CARMIL1: variants seen among roughly 807,000 people sequenced by gnomAD.
CARMIL1 encodes the protein capping protein regulator and myosin 1 linker 1, also known as F-actin-uncapping protein LRRC16A.
A neutral mutation model predicts 177.1 loss-of-function variants in CARMIL1; 90 were observed. The ratio of observed to expected loss-of-function variants is 0.51; its 90% CI spans 0.43 to 0.61. The LOEUF is 0.61. Among genes scored for constraint, CARMIL1 ranks in the 20% least tolerant of loss-of-function variants. The pLI is 0.00. For synonymous variants in CARMIL1, 577 were observed against 606.2 expected (o/e 0.95, Z 0.71); for missense variants, 1,380 against 1,667.0 (o/e 0.83, Z 3.00).
At chr6:25,615,920 A>T (rs1209038254) in intron 36 of CARMIL1, among the ~76,000 whole-genome samples, 1 of 152,186 alleles carries the variant, frequency 6.6e-6, no homozygotes, top group East Asian at 1.9e-4. Flanking sequence ...ATTATCACAT[A>T]TATGCAATGT....
At chr6:25,460,384 T>C (rs974240709) in intron 8 of CARMIL1, among the ~76,000 whole-genome samples, 1 of 152,218 alleles carries the variant, frequency 6.6e-6, no homozygotes, top group Admixed American at 6.5e-5. Flanking sequence ...ACTGGTTCCA[T>C]AATTTTTTTA....
chr6:25,541,863 A>G (rs2151137842), intron 26 of CARMIL1, among the ~76,000 whole-genome samples: 1 of 152,308 alleles, frequency 6.6e-6, no homozygotes, highest in Non-Finnish European at 1.5e-5. Context: ...CATATTGGCC[A>G]GGCTGGTCTC....
At chr6:25,609,219 C>G (rs1370210410) in intron 35 of CARMIL1, among the ~76,000 whole-genome samples, 4 of 152,072 alleles carry the variant, frequency 2.6e-5, no homozygotes. Flanking sequence ...GTAATCCCAA[C>G]ACTTTGGGAG....
intron 17 of CARMIL1, among the ~76,000 whole-genome samples, chr6:25,508,230 G>A (rs1365003722): frequency 6.6e-6 from 1 of 152,162 alleles, no homozygotes; most frequent in African/African-American, 2.4e-5. Flanking sequence ...AGCAGGTGTA[G>A]TGAAATGGGC....
intron 29 of CARMIL1, among the ~76,000 whole-genome samples, chr6:25,576,161 C>A (rs1490253040): frequency 6.6e-6 from 1 of 151,608 alleles, no homozygotes; most frequent in Admixed American, 6.6e-5. Context: ...TTCATTCAGA[C>A]TAAGAAGAGG....
chr6:25,562,590 G>A (rs562261588), intron 29 of CARMIL1, among the ~76,000 whole-genome samples: 2 of 152,254 alleles, frequency 1.3e-5, no homozygotes, highest in South Asian at 4.1e-4. Flanking sequence ...AAGGTACAGT[G>A]TTGACTGCCC....
At chr6:25,392,032 GTATGCATGTGTGTGTA>G (rs1423999221) in intron 2 of CARMIL1, among the ~76,000 whole-genome samples, 1 of 142,054 alleles carries the variant, frequency 7.0e-6, no homozygotes, top group African/African-American at 2.6e-5. Flanking sequence ...TTTTTTGTGT[GTATGCATGTGTGTGTA>G]TATGCATGTG....
chr6:25,522,897 C>T (rs1806714618), intron 23 of CARMIL1, among the ~76,000 whole-genome samples: 1 of 152,122 alleles, frequency 6.6e-6, no homozygotes, highest in Non-Finnish European at 1.5e-5. Flanking sequence ...GCAGCCTCAA[C>T]CACCTGTGCT....
At chr6:25,354,472 C>T (rs1193299040) in intron 2 of CARMIL1, among the ~76,000 whole-genome samples, 2 of 148,450 alleles carry the variant, frequency 1.3e-5, no homozygotes, top group Non-Finnish European at 3.0e-5. Flanking sequence ...AGCCACCGTA[C>T]TTGCCCTGCT....
intron 29 of CARMIL1, chr6:25,563,355 C>A (rs959252784): frequency 1.0e-6 from 1 of 985,188 alleles, no homozygotes; most frequent in Non-Finnish European, 1.2e-6. Flanking sequence ...CTGAGTTAAA[C>A]AATATTCAAA....
At chr6:25,341,195 T>C (rs1041266567) in intron 2 of CARMIL1, among the ~76,000 whole-genome samples, 5 of 152,124 alleles carry the variant, frequency 3.3e-5, no homozygotes, top group Non-Finnish European at 7.4e-5. Context: ...TTTGCTGTCA[T>C]TTACATAGCT....
intron 29 of CARMIL1, among the ~76,000 whole-genome samples, chr6:25,564,592 T>G (rs888522857): frequency 1.3e-5 from 2 of 152,162 alleles, no homozygotes; most frequent in Admixed American, 1.3e-4. Flanking sequence ...TTCTGAGTAG[T>G]TTGCCTTCTG....
At chr6:25,486,661 T>A (rs1802686589) in intron 12 of CARMIL1, among the ~76,000 whole-genome samples, 1 of 152,132 alleles carries the variant, frequency 6.6e-6, no homozygotes, top group Admixed American at 6.5e-5. Flanking sequence ...CCACCATACG[T>A]TTCTCTTATC....
chr6:25,496,522 G>A (rs1395551935), intron 16 of CARMIL1, among the ~76,000 whole-genome samples: 5 of 143,328 alleles, frequency 3.5e-5, no homozygotes, highest in African/African-American at 1.0e-4. Flanking sequence ...TGAAAAAAAA[G>A]TCTGATGTTA....
Position 25,362,883 on chromosome 6 carries a change from A to G in CARMIL1, c.139-57231A>G, listed in dbSNP as rs1789370572. On this transcript the variant is annotated intron_variant, in intron 2 of 36. Coordinates refer to ENST00000329474, the MANE Select transcript of CARMIL1 (RefSeq NM_017640.6). ...AACCTCGTCTCTACTAAAAATAGAA[A>G]AATTAGCTGGGCATGATGGCACATG... is the stretch of plus-strand genomic sequence containing the variant. Among the ~76,000 whole-genome samples the G allele has an allele frequency of 3.3e-5, 5 of 151,926 alleles. No individual in the cohort carries two copies. The South Asian group carries it at 1.0e-3, about 32-fold the overall frequency.
intron 2 of CARMIL1, among the ~76,000 whole-genome samples, chr6:25,392,262 A>G (rs188245169): frequency 6.6e-6 from 1 of 152,148 alleles, no homozygotes; most frequent in Non-Finnish European, 1.5e-5. Context: ...GTATGTATGT[A>G]TAATACTCCT....
Position 25,554,760 on chromosome 6 carries a change from G to C in CARMIL1, c.2592+664G>C, listed in dbSNP as rs1281711966. On this transcript the variant is annotated intron_variant, in intron 28 of 36. Transcript: ENST00000329474. The surrounding 1 kb of genome is among the most constrained non-coding windows in gnomAD (Gnocchi z 4.6). ...ATATCTAATGCCTCAATATGATGCA[G>C]TGGAAGTCTCCCAGGAAAGTTATAG... Among the ~76,000 whole-genome samples, 1 of 152,174 alleles carries C rather than the reference G, an allele frequency of 6.6e-6. No individual in the cohort carries two copies. The highest frequency in any genetic ancestry group is 1.5e-5 in the Non-Finnish European group (1 of 68,012).
At position 25,420,175 on chromosome 6, in the gene CARMIL1, A is replaced by G. The variant is rs1795722917; in HGVS notation, c.189+11A>G. On this transcript the variant is annotated intron_variant, in intron 3 of 36. Coordinates refer to ENST00000329474, the MANE Select transcript of CARMIL1 (RefSeq NM_017640.6). ...CGAATCCCCACCAAGGTAAGTGTTG[A>G]TGAAGTCCTTCCTTCTGCACTCACA... 2 of 1,604,394 alleles carry G rather than the reference A, an allele frequency of 1.2e-6. No individual in the cohort carries two copies. The highest frequency in any genetic ancestry group is 2.7e-5 in the African/African-American group (2 of 74,782).
At chr6:25,327,567 A>G (rs2066450423) in intron 2 of CARMIL1, among the ~76,000 whole-genome samples, 1 of 152,178 alleles carries the variant, frequency 6.6e-6, no homozygotes, top group African/African-American at 2.4e-5. Flanking sequence ...TCCGGCTACT[A>G]TTTGCTGTGC....
Sources: gnomAD v4.1 joint callset for allele counts (sites outside exome capture counted in the v4.1 genomes callset) on GRCh38, gnomAD v4.1.1 for gene constraint, Gnocchi (gnomAD v3.1) non-coding constraint, MANE v1.5 for transcripts, NCBI Gene and HGNC (gene_info 2026-07-23, HGNC 2026-07-21) for gene names.